Variants in SLC26A7 observed in about 807,000 individuals in gnomAD.
SLC26A7 encodes the protein solute carrier family 26 member 7, also known as anion exchange transporter.
Under a neutral mutation model 82.5 loss-of-function variants are expected in SLC26A7, and 59 were observed. The ratio of observed to expected loss-of-function variants is 0.72; its 90% CI spans 0.58 to 0.89. The LOEUF (loss-of-function observed/expected upper bound fraction) is 0.89, where lower values mean the gene tolerates loss of function less well. Ranked by LOEUF, SLC26A7 falls within the 40% of genes least tolerant of loss-of-function variation. The pLI is 0.00. For synonymous variants in SLC26A7, 271 were observed against 274.3 expected (o/e 0.99, Z 0.12); for missense variants, 820 against 793.0 (o/e 1.03, Z -0.41).
chr8:91,295,465 C>G (rs1563665461), intron 3 of SLC26A7, 66 bp from the exon 4 acceptor site: 5 of 1,546,284 alleles, frequency 3.2e-6, no homozygotes, highest in African/African-American at 1.4e-5. Flanking sequence ...GACAGAATCC[C>G]ACAATTTTTA....
chr8:91,352,981 G>C lies in SLC26A7; in HGVS notation c.1299G>C (p.Val433=), dbSNP rs917734733. The C allele has an allele frequency of 2.8e-5, 45 of 1,605,850 alleles. No homozygotes were observed. The highest frequency in any genetic ancestry group is 3.7e-5 in the Non-Finnish European group (43 of 1,175,982). Residue 433 remains valine (V), a synonymous_variant, in exon 11 of 19, where the codon GTG becomes GTC. Coordinates refer to ENST00000276609, the MANE Select transcript of SLC26A7 (RefSeq NM_052832.4). ...QFRDLKKYWN[V]DKIDWGIWVS... ...GAGATTTAAAAAAATATTGGAATGT[G>C]GATAAAATCGATTGGGTAAGTAGAA...
At chr8:91,279,900 C>A (rs1811523374) in intron 2 of SLC26A7, among the ~76,000 whole-genome samples, 1 of 152,084 alleles carries the variant, frequency 6.6e-6, no homozygotes, top group African/African-American at 2.4e-5. Flanking sequence ...CTTTGTATGT[C>A]TTCTTCTGAG....
At chr8:91,378,388 A>C (rs2130891078) in intron 15 of SLC26A7, among the ~76,000 whole-genome samples, 1 of 146,932 alleles carries the variant, frequency 6.8e-6, no homozygotes, top group South Asian at 2.1e-4. Context: ...TAAATAATAT[A>C]TATTATATAT....
intron 2 of SLC26A7, among the ~76,000 whole-genome samples, chr8:91,272,342 A>G (rs922841639): frequency 2.0e-5 from 3 of 152,250 alleles, no homozygotes; most frequent in Non-Finnish European, 4.4e-5. Flanking sequence ...AGTAATTCTT[A>G]GTATAATATT....
At chr8:91,284,539 A>G (rs1247517072) in intron 2 of SLC26A7, among the ~76,000 whole-genome samples, 1 of 152,192 alleles carries the variant, frequency 6.6e-6, no homozygotes, top group Non-Finnish European at 1.5e-5. Flanking sequence ...GTTTTTAGAC[A>G]TTGAACAGGC....
intron 4 of SLC26A7, among the ~76,000 whole-genome samples, chr8:91,303,095 A>C (rs1395053366): frequency 6.6e-6 from 1 of 152,186 alleles, no homozygotes; most frequent in Non-Finnish European, 1.5e-5. Flanking sequence ...TACACAAGGA[A>C]AAGACAATTT....
chr8:91,239,585 G>C (rs1331021756), intron 2 of SLC26A7, among the ~76,000 whole-genome samples: 2 of 151,926 alleles, frequency 1.3e-5, no homozygotes, highest in African/African-American at 4.8e-5. Flanking sequence ...AGTAATGACA[G>C]ATTCACACAC....
At chr8:91,353,378 G>A (rs557916377) in intron 11 of SLC26A7, among the ~76,000 whole-genome samples, 5 of 152,254 alleles carry the variant, frequency 3.3e-5, no homozygotes, top group Non-Finnish European at 7.4e-5. Flanking sequence ...GAATCACTAA[G>A]AATGCACGCT....
At chr8:91,220,024 C>T (rs1025752215) in intron 2 of SLC26A7, among the ~76,000 whole-genome samples, 1 of 152,120 alleles carries the variant, frequency 6.6e-6, no homozygotes, top group African/African-American at 2.4e-5. Context: ...ACCTTCCTAG[C>T]AAGGCCTTTT....
At chr8:91,240,350 A>G (rs1344854431) in intron 2 of SLC26A7, among the ~76,000 whole-genome samples, 1 of 152,212 alleles carries the variant, frequency 6.6e-6, no homozygotes. Flanking sequence ...TGAAACATCT[A>G]GAGTAAATTT....
intron 2 of SLC26A7, among the ~76,000 whole-genome samples, chr8:91,230,071 G>T (rs773745701): frequency 1.3e-5 from 2 of 152,002 alleles, no homozygotes; most frequent in African/African-American, 2.4e-5. Context: ...ATTCTTTTCT[G>T]CAAGGCTTTT....
At chr8:91,341,395 TATG>T (rs1162386688) in intron 8 of SLC26A7, among the ~76,000 whole-genome samples, 1 of 152,186 alleles carries the variant, frequency 6.6e-6, no homozygotes, top group Non-Finnish European at 1.5e-5. Context: ...CACGATTGCA[TATG>T]TCCTGTTTCA....
rs190535085 is a variant in SLC26A7, at chr8:91,328,841, G to C, written c.643-5454G>C. Among the ~76,000 whole-genome samples, 126 of 152,204 alleles carry C rather than the reference G, an allele frequency of 8.3e-4. 1 individual carries two copies. The highest frequency in any genetic ancestry group is 3.0e-3 in the African/African-American group (123 of 41,548). ...AAGAAAATAATGAGAAGCAGTACATGTGCTGTGGATAGGTGATTTACCTCA... is the reference window on the plus strand; with the variant it reads ...AAGAAAATAATGAGAAGCAGTACATCTGCTGTGGATAGGTGATTTACCTCA... On this transcript the variant is annotated intron_variant, in intron 5 of 18. Coordinates refer to ENST00000276609, the MANE Select transcript of SLC26A7 (RefSeq NM_052832.4).
chr8:91,218,281 A>T (rs1810091774), intron 1 of SLC26A7, among the ~76,000 whole-genome samples: 1 of 152,288 alleles, frequency 6.6e-6, no homozygotes, highest in South Asian at 2.1e-4. Context: ...TGAGGTTACC[A>T]TTATTTCAAA....
intron 9 of SLC26A7, among the ~76,000 whole-genome samples, chr8:91,347,206 G>T (rs1265861672): frequency 6.6e-6 from 1 of 152,164 alleles, no homozygotes; most frequent in African/African-American, 2.4e-5. Flanking sequence ...CATTAGAAGA[G>T]ACTGGTCAGG....
chr8:91,249,487 T>A (rs141368922), intron 1 of SLC26A7, 52 bp from the exon 2 acceptor site: 1 of 445,782 alleles, frequency 2.2e-6, no homozygotes, highest in African/African-American at 2.0e-5. Context: ...ATTGAAGTGC[T>A]TCTGTTAATC....
intron 9 of SLC26A7, among the ~76,000 whole-genome samples, chr8:91,348,621 C>T (rs988166054): frequency 2.6e-4 from 40 of 152,014 alleles, no homozygotes; most frequent in African/African-American, 9.7e-4. Flanking sequence ...AAAATCCTAG[C>T]CAGTGTTTGC....
intron 5 of SLC26A7, among the ~76,000 whole-genome samples, chr8:91,321,100 T>A (rs949616516): frequency 6.6e-6 from 1 of 152,232 alleles, no homozygotes; most frequent in Admixed American, 6.5e-5. Flanking sequence ...TACAGTGCCT[T>A]CCTCACAGGG....
At chr8:91,359,424 T>C (rs1364976354) in intron 11 of SLC26A7, among the ~76,000 whole-genome samples, 1 of 152,196 alleles carries the variant, frequency 6.6e-6, no homozygotes, top group African/African-American at 2.4e-5. Context: ...TGAGTTTGCA[T>C]TTGGACATGT....
Sources: allele counts gnomAD v4.1 joint callset (sites outside exome capture counted in the v4.1 genomes callset), GRCh38; gene constraint gnomAD v4.1.1; transcripts MANE v1.5; gene names NCBI Gene and HGNC (gene_info 2026-07-23, HGNC 2026-07-21).